NGFR: variants seen among roughly 807,000 people sequenced by gnomAD.
NGFR encodes nerve growth factor receptor.
Under a neutral mutation model 43.2 loss-of-function variants are expected in NGFR, and 30 were observed. The ratio of observed to expected loss-of-function variants is 0.69; its 90% CI spans 0.52 to 0.94. The LOEUF is 0.94. Among genes scored for constraint, NGFR ranks in the 40% least tolerant of loss-of-function variants. The pLI, the probability that NGFR is intolerant of heterozygous loss-of-function variation, is 0.00. For synonymous variants in NGFR, 246 were observed against 259.6 expected (o/e 0.95, Z 0.50); for missense variants, 529 against 602.5 (o/e 0.88, Z 1.28).
Position 49,512,171 on chromosome 17 carries a change from C to G in NGFR, c.982+119C>G. 1 of 1,262,238 alleles carries G rather than the reference C, an allele frequency of 7.9e-7. No individual in the cohort carries two copies. The highest frequency in any genetic ancestry group is 1.1e-6 in the Non-Finnish European group (1 of 932,224). The allele number at this position is 1,262,238 out of a possible 1,614,324, so 78.2% of individuals were successfully genotyped here. On this transcript the variant is annotated intron_variant, in intron 5 of 5. Transcript: ENST00000172229. This position sits in a 1 kb window ranked among gnomAD's most constrained non-coding sequence, Gnocchi z 5.2. ...CGGCAGGGCTGGCTCAGCGGTGCCC[C>G]TGTAGATGGATGGAGAGGCTGGCCG...
intron 2 of NGFR, chr17:49,506,076 C>G (rs2143435588): frequency 1.2e-6 from 1 of 822,174 alleles, no homozygotes; most frequent in South Asian, 2.6e-5. Flanking sequence ...GCTTCTGGAG[C>G]CTGGAGGATG....
intron 3 of NGFR, among the ~76,000 whole-genome samples, chr17:49,508,950 T>C (rs2071215602): frequency 1.3e-5 from 2 of 152,218 alleles, no homozygotes; most frequent in South Asian, 4.2e-4. Context: ...CTGAGCTGTG[T>C]CTCCAGCCTC....
At chr17:49,498,555 A>G (rs2071151285) in intron 1 of NGFR, among the ~76,000 whole-genome samples, 1 of 152,154 alleles carries the variant, frequency 6.6e-6, no homozygotes, top group Non-Finnish European at 1.5e-5. Context: ...TTATACTGAA[A>G]CATTCGTATG....
At chr17:49,503,275 T>C (rs1420438866) in intron 2 of NGFR, among the ~76,000 whole-genome samples, 1 of 152,170 alleles carries the variant, frequency 6.6e-6, no homozygotes, top group African/African-American at 2.4e-5. Context: ...GGCTGGTGGG[T>C]CTGGGCCCCT....
rs762178305 is a variant in NGFR, at chr17:49,502,116, C to T, written c.120C>T (p.Ser40=). ...GCCCCACAGGCCTGTACACACACAG[C>T]GGTGAGTGCTGCAAAGCCTGCAACC... is the stretch of plus-strand genomic sequence containing the variant. ...EACPTGLYTH[S]GECCKACNLG... is the part of the protein sequence containing the mutation. Residue 40 remains serine, a synonymous_variant, in exon 2 of 6, where the codon AGC becomes AGT. Transcript: ENST00000172229. 26 of 1,611,770 alleles carry T rather than the reference C, an allele frequency of 1.6e-5. No homozygotes were observed. In the Middle Eastern group the frequency reaches 4.9e-4, roughly 31 times the overall value.
At position 49,512,621 on chromosome 17, in the gene NGFR, C is replaced by T. The variant is rs998003929; in HGVS notation, c.983-87C>T. On this transcript the variant is annotated intron_variant, in intron 5 of 5. Coordinates refer to ENST00000172229, the MANE Select transcript of NGFR (RefSeq NM_002507.4). This position sits in a 1 kb window ranked among gnomAD's most constrained non-coding sequence, Gnocchi z 5.2. Reference sequence around the variant, plus strand: ...CTCCAGATGGGGAGGAGCACTGCCTCGGCCCTTCTTGGGTCTCACCCCAGT... The same window carrying T: ...CTCCAGATGGGGAGGAGCACTGCCTTGGCCCTTCTTGGGTCTCACCCCAGT... The T allele has an allele frequency of 2.0e-5, 30 of 1,467,164 alleles. No homozygotes were observed. The highest frequency in any genetic ancestry group is 2.0e-4 in the South Asian group (15 of 73,586). 90.9% of individuals were successfully genotyped at this position (1,467,164 alleles called of 1,614,324 possible).
intron 2 of NGFR, among the ~76,000 whole-genome samples, chr17:49,502,815 T>TCTTCCGTCCTTCCTTC (rs1555564720): frequency 7.4e-5 from 9 of 121,504 alleles, no homozygotes; most frequent in African/African-American, 2.8e-4. Flanking sequence ...GCCTGGGATT[T>TCTTCCGTCCTTCCTTC]CTTCCTTCCT....
At chr17:49,509,108 G>A (rs2071216418) in intron 3 of NGFR, among the ~76,000 whole-genome samples, 1 of 152,240 alleles carries the variant, frequency 6.6e-6, no homozygotes, top group Non-Finnish European at 1.5e-5. Flanking sequence ...AGACGGGGAA[G>A]GGTGGTTTGG....
chr17:49,504,719 T>C (rs1036749828), intron 2 of NGFR, among the ~76,000 whole-genome samples: 5 of 151,926 alleles, frequency 3.3e-5, no homozygotes, highest in Non-Finnish European at 5.9e-5. Context: ...CTCCAGGCCC[T>C]TCTTCCTGGG....
chr17:49,498,814 C>T (rs2071152547), intron 1 of NGFR, among the ~76,000 whole-genome samples: 1 of 152,126 alleles, frequency 6.6e-6, no homozygotes, highest in Non-Finnish European at 1.5e-5. Context: ...TAAATTAATC[C>T]TTTTGGATCT....
chr17:49,514,872 G>C lies in NGFR; in HGVS notation c.*1863G>C, dbSNP rs555860320. On this transcript the variant is annotated 3_prime_UTR_variant, in exon 6 of 6. Coordinates refer to ENST00000172229, the MANE Select transcript of NGFR (RefSeq NM_002507.4). Reference sequence around the variant, plus strand: ...GGAACCCTTTTGGCCCCCGAGCTGGGGGCCATGAGCTCCAGACCCCCAGCA... The same window carrying C: ...GGAACCCTTTTGGCCCCCGAGCTGGCGGCCATGAGCTCCAGACCCCCAGCA... 1 of 151,840 alleles carries C rather than the reference G, an allele frequency of 6.6e-6. No homozygotes were observed. Among genetic ancestry groups the C allele is most frequent in the African/African-American group, 2.4e-5 (1 of 41,296 alleles). The allele number at this position is 151,840 out of a possible 1,614,324, so 9.4% of individuals were successfully genotyped here. A position where few individuals can be genotyped will look rare whatever the true frequency, so the allele number is the denominator to read the frequency against.
chr17:49,512,610 G>A lies in NGFR; in HGVS notation c.983-98G>A. ...TGGCCCCAGGCCTCCAGATGGGGAG[G>A]AGCACTGCCTCGGCCCTTCTTGGGT... On this transcript the variant is annotated intron_variant, in intron 5 of 5. Coordinates refer to ENST00000172229, the MANE Select transcript of NGFR (RefSeq NM_002507.4). The surrounding 1 kb of genome is among the most constrained non-coding windows in gnomAD (Gnocchi z 5.2). 1 of 1,432,654 alleles carries A rather than the reference G, an allele frequency of 7.0e-7. No homozygotes were observed. The highest frequency in any genetic ancestry group is 9.4e-7 in the Non-Finnish European group (1 of 1,063,386). 88.7% of individuals were successfully genotyped at this position (1,432,654 alleles called of 1,614,324 possible).
Position 49,506,648 on chromosome 17 carries a change from C to G in NGFR, c.558C>G (p.Ala186=). The G allele has an allele frequency of 9.4e-7, 1 of 1,061,158 alleles. No individual in the cohort carries two copies. The highest frequency in any genetic ancestry group is 1.2e-6 in the Non-Finnish European group (1 of 868,538). The allele number at this position is 1,061,158 out of a possible 1,614,324, so 65.7% of individuals were successfully genotyped here. Reference sequence around the variant, plus strand: ...GCGAGTGCACACGCTGGGCCGACGCCGAGTGCGAGGGTGAGTGCGGTTCGG... The same window carrying G: ...GCGAGTGCACACGCTGGGCCGACGCGGAGTGCGAGGGTGAGTGCGGTTCGG... The part of the protein sequence containing the change: ...QLRECTRWAD[A]ECEEIPGRWI... Residue 186 remains alanine, a synonymous_variant, in exon 3 of 6, where the codon GCC becomes GCG. Coordinates refer to ENST00000172229, the MANE Select transcript of NGFR (RefSeq NM_002507.4).
Position 49,512,163 on chromosome 17 carries a change from C to G in NGFR, c.982+111C>G. 7.4e-7 allele frequency: 1 copy of G among 1,344,846 alleles called. No individual in the cohort carries two copies. Among genetic ancestry groups the G allele is most frequent in the Non-Finnish European group, 1.0e-6 (1 of 997,814 alleles). 83.3% of individuals were successfully genotyped at this position (1,344,846 alleles called of 1,614,324 possible). ...CGGGGGGGCGGCAGGGCTGGCTCAG[C>G]GGTGCCCCTGTAGATGGATGGAGAG... On this transcript the variant is annotated intron_variant, in intron 5 of 5. Coordinates refer to ENST00000172229, the MANE Select transcript of NGFR (RefSeq NM_002507.4). This position sits in a 1 kb window ranked among gnomAD's most constrained non-coding sequence, Gnocchi z 5.2.
Position 49,513,092 on chromosome 17 carries a change from CT to C in NGFR, c.*86del. On this transcript the variant is annotated 3_prime_UTR_variant, in exon 6 of 6. Coordinates refer to ENST00000172229, the MANE Select transcript of NGFR (RefSeq NM_002507.4). ...CCCCTGTGGAGCCCGCACCCCCACC[CT>C]TTGGGGGGGGCCCGCCTGGCAGAAC... is the stretch of plus-strand genomic sequence containing the variant. The C allele has an allele frequency of 7.3e-7, 1 of 1,378,576 alleles. No individual in the cohort carries two copies. The highest frequency in any genetic ancestry group is 9.6e-7 in the Non-Finnish European group (1 of 1,046,288). The allele number at this position is 1,378,576 out of a possible 1,614,324, so 85.4% of individuals were successfully genotyped here.
In NGFR at chr17:49,512,059, A is replaced by G. The variant is rs779478790; in HGVS notation, c.982+7A>G. On this transcript the variant is annotated splice_region_variant and intron_variant, in intron 5 of 5. Transcript: ENST00000172229. The surrounding 1 kb of genome is among the most constrained non-coding windows in gnomAD (Gnocchi z 5.2). ...CAGACAGCCTCGGGCCAGGGTGAGCAGCGGCCCGCTGGGGAGCTGAGGCGG... is the reference window on the plus strand; with the variant it reads ...CAGACAGCCTCGGGCCAGGGTGAGCGGCGGCCCGCTGGGGAGCTGAGGCGG... 6.2e-7 allele frequency: 1 copy of G among 1,611,758 alleles called. No homozygotes were observed. The highest frequency in any genetic ancestry group is 1.1e-5 in the South Asian group (1 of 90,770).
intron 2 of NGFR, 168 bp from the exon 3 acceptor site, chr17:49,506,131 T>C: frequency 1.5e-6 from 2 of 1,309,808 alleles, no homozygotes; most frequent in Non-Finnish European, 2.0e-6. Flanking sequence ...TGCCACCAAC[T>C]TTCACAGGCT....
intron 4 of NGFR, 130 bp from the exon 5 acceptor site, chr17:49,511,762 T>C (rs2071233853): frequency 1.8e-6 from 2 of 1,088,872 alleles, no homozygotes; most frequent in Non-Finnish European, 2.5e-6. Flanking sequence ...GAGCCTTAGA[T>C]GGTGGGGTGG....
chr17:49,502,018 C>CCCCCCCCAA, intron 1 of NGFR, 45 bp from the exon 2 acceptor site: 10 of 1,320,322 alleles, frequency 7.6e-6, no homozygotes, highest in Admixed American at 2.2e-5. Flanking sequence ...CAACCCACCC[C>CCCCCCCCAA]AGCTTTCTCT....
Sources: allele counts gnomAD v4.1 joint callset (sites outside exome capture counted in the v4.1 genomes callset), GRCh38; gene constraint gnomAD v4.1.1; non-coding constraint Gnocchi (gnomAD v3.1); transcripts MANE v1.5; gene names NCBI Gene and HGNC (gene_info 2026-07-23, HGNC 2026-07-21).